Variants in TNFAIP8L3 observed in about 807,000 individuals in gnomAD.
The protein encoded by TNFAIP8L3 is TNF alpha induced protein 8 like 3.
TNFAIP8L3 carries 7 observed loss-of-function variants against 11.8 expected under a neutral mutation model. The observed-to-expected ratio is 0.59, with a 90% CI of 0.34 to 1.11. TNFAIP8L3 has a LOEUF of 1.11. Among genes scored for constraint, TNFAIP8L3 ranks in the 50% most tolerant of loss-of-function variants. The pLI is 0.03. For missense variants in TNFAIP8L3, 219 were observed against 258.6 expected (o/e 0.85, Z 1.05); for synonymous variants, 98 against 103.8 (o/e 0.94, Z 0.34).
chr15:51,098,524 T>C (rs938268619), upstream of TNFAIP8L3, among the ~76,000 whole-genome samples: 2 of 152,214 alleles, frequency 1.3e-5, no homozygotes, highest in African/African-American at 4.8e-5. Context: ...TTGATATCCA[T>C]CTAACAGAAC....
intron 1 of TNFAIP8L3, among the ~76,000 whole-genome samples, chr15:51,083,639 C>T (rs1231374950): frequency 6.6e-6 from 1 of 152,224 alleles, no homozygotes; most frequent in Non-Finnish European, 1.5e-5. Flanking sequence ...GTGTCCTTGG[C>T]CAGTCTGTAG....
At chr15:51,080,630 C>T (rs914201450) in intron 1 of TNFAIP8L3, among the ~76,000 whole-genome samples, 35 of 152,170 alleles carry the variant, frequency 2.3e-4, no homozygotes, top group Admixed American at 5.2e-4. Flanking sequence ...GCACAGACTT[C>T]GGCAAACCGC....
At chr15:51,087,935 A>ATATATATATATG (rs1567294885) in intron 1 of TNFAIP8L3, among the ~76,000 whole-genome samples, 1 of 138,978 alleles carries the variant, frequency 7.2e-6, no homozygotes, top group African/African-American at 2.7e-5. Context: ...ATATATATAT[A>ATATATATATATG]TATATATGGG....
chr15:51,066,164 C>CTT (rs66617524), intron 1 of TNFAIP8L3, among the ~76,000 whole-genome samples: 1 of 125,094 alleles, frequency 8.0e-6, no homozygotes, highest in Non-Finnish European at 1.7e-5. Flanking sequence ...ACTTTCTTTC[C>CTT]TTTTTTTTTT....
At chr15:51,086,473 A>C (rs1185282274) in intron 1 of TNFAIP8L3, among the ~76,000 whole-genome samples, 1 of 152,204 alleles carries the variant, frequency 6.6e-6, no homozygotes, top group East Asian at 1.9e-4. Context: ...AGGGAGCCTA[A>C]GGGTTAGGGT....
intron 1 of TNFAIP8L3, among the ~76,000 whole-genome samples, chr15:51,103,585 T>C (rs987554333): frequency 9.9e-5 from 15 of 152,240 alleles, no homozygotes; most frequent in Admixed American, 8.5e-4. Flanking sequence ...AGCATAATGT[T>C]TGAGTCACAG....
chr15:51,063,645 G>A (rs1410475526), intron 1 of TNFAIP8L3, among the ~76,000 whole-genome samples: 2 of 152,126 alleles, frequency 1.3e-5, no homozygotes, highest in African/African-American at 4.8e-5. Context: ...TGCAATTATT[G>A]AGCATTTACT....
chr15:51,091,827 T>A (rs1308340318), intron 1 of TNFAIP8L3, among the ~76,000 whole-genome samples: 2 of 152,182 alleles, frequency 1.3e-5, no homozygotes, highest in Non-Finnish European at 2.9e-5. Flanking sequence ...ATTAATTGTT[T>A]TAAACATGCA....
intron 1 of TNFAIP8L3, among the ~76,000 whole-genome samples, chr15:51,073,484 T>C (rs1237586374): frequency 2.6e-5 from 4 of 152,220 alleles, no homozygotes; most frequent in Non-Finnish European, 1.5e-5. Context: ...TTTTTTTCTA[T>C]TACAGTTTCT....
intron 1 of TNFAIP8L3, among the ~76,000 whole-genome samples, chr15:51,075,318 G>A (rs1347130592): frequency 6.6e-6 from 1 of 152,132 alleles, no homozygotes; most frequent in Non-Finnish European, 1.5e-5. Flanking sequence ...TCACCTGGGG[G>A]CCAGAGGGAT....
chr15:51,058,866 G>A (rs1416286751), intron 1 of TNFAIP8L3, among the ~76,000 whole-genome samples: 1 of 152,208 alleles, frequency 6.6e-6, no homozygotes, highest in Non-Finnish European at 1.5e-5. Context: ...TAGCCCCATT[G>A]TCAACCCCAT....
In TNFAIP8L3 at chr15:51,094,605, T is replaced by A; in HGVS notation, c.-10A>T. On this transcript the variant is annotated 5_prime_UTR_variant, in exon 1 of 2. Transcript: ENST00000637513. The surrounding 1 kb of genome is among the most constrained non-coding windows in gnomAD (Gnocchi z 4.4). ...CGGAATCCGAATCCATGCTGCGGGC[T>A]GCTGGCTGGGCGTCCACGGCCACCC... The A allele has an allele frequency of 6.8e-7, 1 of 1,479,908 alleles. No individual in the cohort carries two copies. The highest frequency in any genetic ancestry group is 1.3e-5 in the South Asian group (1 of 78,360). The allele number at this position is 1,479,908 out of a possible 1,614,324, so 91.7% of individuals were successfully genotyped here. A position where few individuals can be genotyped will look rare whatever the true frequency, so the allele number is the denominator to read the frequency against.
intron 1 of TNFAIP8L3, among the ~76,000 whole-genome samples, chr15:51,076,933 G>A (rs1273091468): frequency 6.6e-6 from 1 of 152,162 alleles, no homozygotes; most frequent in Non-Finnish European, 1.5e-5. Context: ...CATCAGATGT[G>A]CGCTGATGCC....
intron 1 of TNFAIP8L3, among the ~76,000 whole-genome samples, chr15:51,077,880 A>G (rs774086390): frequency 1.4e-4 from 22 of 151,850 alleles, no homozygotes; most frequent in Non-Finnish European, 2.8e-4. Context: ...AGGACCACTT[A>G]TTTTTTTCTC....
chr15:51,065,198 T>C (rs1340874151), intron 1 of TNFAIP8L3, among the ~76,000 whole-genome samples: 1 of 152,156 alleles, frequency 6.6e-6, no homozygotes, highest in African/African-American at 2.4e-5. Context: ...TCAAAGATAA[T>C]ATGAAGTCTC....
intron 1 of TNFAIP8L3, chr15:51,069,448 G>C (rs2065293256): frequency 6.6e-6 from 1 of 152,208 alleles, no homozygotes. Context: ...CACTTGAAAA[G>C]CAGCATTTAA....
At chr15:51,064,651 T>C (rs1261372483) in intron 1 of TNFAIP8L3, 1 of 152,204 alleles carries the variant, frequency 6.6e-6, no homozygotes, top group African/African-American at 2.4e-5. Context: ...CCAACATGCA[T>C]ACATAATGTT....
At chr15:51,074,342 T>A (rs1185225296) in intron 1 of TNFAIP8L3, among the ~76,000 whole-genome samples, 2 of 152,262 alleles carry the variant, frequency 1.3e-5, no homozygotes, top group Admixed American at 1.3e-4. Context: ...CAATAGCACA[T>A]GCCACCATTT....
At chr15:51,063,863 A>G (rs1184683126) in intron 1 of TNFAIP8L3, among the ~76,000 whole-genome samples, 2 of 152,228 alleles carry the variant, frequency 1.3e-5, no homozygotes, top group African/African-American at 4.8e-5. Flanking sequence ...GTAGGTAGGG[A>G]CAGCTATGAC....
Sources: allele counts gnomAD v4.1 joint callset (sites outside exome capture counted in the v4.1 genomes callset), GRCh38; gene constraint gnomAD v4.1.1; non-coding constraint Gnocchi (gnomAD v3.1); transcripts MANE v1.5; gene names NCBI Gene and HGNC (gene_info 2026-07-23, HGNC 2026-07-21).